The following AKAP19 variants were observed in gnomAD, a reference collection of about 807,000 sequenced individuals.
AKAP19 encodes the protein A-kinase anchoring protein 19, also known as small A-kinase anchoring protein.
the AKAP19 span, among the ~76,000 whole-genome samples, chr2:189,981,179 C>A: frequency 6.6e-6 from 1 of 151,940 alleles, no homozygotes; most frequent in Non-Finnish European, 1.5e-5. Flanking sequence ...TTTTTTAAAC[C>A]TGGATGCTCC....
chr2:190,070,590 A>G, the AKAP19 span, among the ~76,000 whole-genome samples: 3 of 151,036 alleles, frequency 2.0e-5, no homozygotes, highest in Non-Finnish European at 4.4e-5. Context: ...CAGCGAGTTC[A>G]GTGTGATATA....
the AKAP19 span, among the ~76,000 whole-genome samples, chr2:190,035,337 A>C: frequency 6.6e-6 from 1 of 152,040 alleles, no homozygotes; most frequent in African/African-American, 2.4e-5. Context: ...AGGCTGAGGC[A>C]GGAGAATTGC....
the AKAP19 span, among the ~76,000 whole-genome samples, chr2:189,949,620 ACTTTTTCTTT>A: frequency 6.7e-6 from 1 of 148,880 alleles, no homozygotes; most frequent in East Asian, 2.0e-4. Flanking sequence ...GTTGTTACCT[ACTTTTTCTTT>A]CTTTTTTTTT....
the AKAP19 span, among the ~76,000 whole-genome samples, chr2:190,037,533 T>A: frequency 6.6e-6 from 1 of 152,164 alleles, no homozygotes; most frequent in South Asian, 2.1e-4. Context: ...CTGGGACATT[T>A]TTAGAGTATA....
At chr2:190,010,134 A>G in the AKAP19 span, among the ~76,000 whole-genome samples, 2 of 152,254 alleles carry the variant, frequency 1.3e-5, no homozygotes, top group African/African-American at 4.8e-5. Flanking sequence ...ATGACAAGAT[A>G]GGAAAGACAA....
the AKAP19 span, among the ~76,000 whole-genome samples, chr2:190,024,664 C>A: frequency 6.6e-6 from 1 of 152,062 alleles, no homozygotes; most frequent in African/African-American, 2.4e-5. Flanking sequence ...TGATTGGGTA[C>A]TTGAATTCAC....
At chr2:190,185,836 C>A in the AKAP19 span, among the ~76,000 whole-genome samples, 1 of 152,118 alleles carries the variant, frequency 6.6e-6, no homozygotes, top group African/African-American at 2.4e-5. Context: ...TAATACAACA[C>A]TTAATAATTA....
the AKAP19 span, among the ~76,000 whole-genome samples, chr2:190,042,545 C>T: frequency 6.6e-6 from 1 of 151,696 alleles, no homozygotes; most frequent in Non-Finnish European, 1.5e-5. Flanking sequence ...TATTTCTCGT[C>T]TTCTGCTAGC....
At chr2:190,018,354 C>T in the AKAP19 span, among the ~76,000 whole-genome samples, 39 of 151,502 alleles carry the variant, frequency 2.6e-4, no homozygotes, top group Non-Finnish European at 5.0e-4. Flanking sequence ...TCGTTTTGGT[C>T]TTCTGCATAG....
chr2:190,114,236 T>G, the AKAP19 span, among the ~76,000 whole-genome samples: 1 of 152,228 alleles, frequency 6.6e-6, no homozygotes, highest in Non-Finnish European at 1.5e-5. Context: ...TGAATGGGTT[T>G]ATTTGTAGTA....
At chr2:189,975,587 G>A in the AKAP19 span, among the ~76,000 whole-genome samples, 3 of 152,166 alleles carry the variant, frequency 2.0e-5, no homozygotes, top group Admixed American at 1.3e-4. Context: ...TTCCAACTTG[G>A]TTCCATCCTC....
chr2:190,011,591 T>C, the AKAP19 span, among the ~76,000 whole-genome samples: 1 of 152,234 alleles, frequency 6.6e-6, no homozygotes, highest in African/African-American at 2.4e-5. Flanking sequence ...CTTTAATCCA[T>C]TTTGAAGTTT....
At chr2:190,044,486 G>A in the AKAP19 span, among the ~76,000 whole-genome samples, 3 of 152,150 alleles carry the variant, frequency 2.0e-5, no homozygotes, top group Non-Finnish European at 2.9e-5. Flanking sequence ...TTGCTCCTTC[G>A]TTAGTCCAAG....
chr2:189,957,562 C>T, the AKAP19 span, among the ~76,000 whole-genome samples: 2 of 152,080 alleles, frequency 1.3e-5, no homozygotes, highest in African/African-American at 2.4e-5. Context: ...TTTGTCTCAA[C>T]CACAATTTTT....
the AKAP19 span, chr2:190,180,846 AG>A: frequency 1.0e-6 from 1 of 985,200 alleles, no homozygotes; most frequent in Middle Eastern, 5.2e-4. This position sits in a 1 kb window ranked among gnomAD's most constrained non-coding sequence, Gnocchi z 6.8. Context: ...GCGCCGCCGA[AG>A]GACGCCCCGT....
chr2:190,141,548 G>A, the AKAP19 span, among the ~76,000 whole-genome samples: 1 of 152,114 alleles, frequency 6.6e-6, no homozygotes, highest in Non-Finnish European at 1.5e-5. Flanking sequence ...TGAGCAAAGA[G>A]GGAAAAGCCC....
chr2:189,920,426 C>T, the AKAP19 span, among the ~76,000 whole-genome samples: 1 of 152,140 alleles, frequency 6.6e-6, no homozygotes, highest in African/African-American at 2.4e-5. Context: ...TCCTTTAAGG[C>T]ACAAATAGAA....
the AKAP19 span, among the ~76,000 whole-genome samples, chr2:189,974,530 T>C: frequency 6.6e-6 from 1 of 152,166 alleles, no homozygotes; most frequent in Non-Finnish European, 1.5e-5. Context: ...TTCCTGGATA[T>C]CCTTTTTAAC....
At chr2:189,957,423 G>A in the AKAP19 span, among the ~76,000 whole-genome samples, 1 of 152,184 alleles carries the variant, frequency 6.6e-6, no homozygotes, top group East Asian at 1.9e-4. Context: ...TTACAGTTAA[G>A]ACATAAGTTA....
Sources: gnomAD v4.1 joint callset for allele counts (sites outside exome capture counted in the v4.1 genomes callset) on GRCh38, gnomAD v4.1.1 for gene constraint, Gnocchi (gnomAD v3.1) non-coding constraint, MANE v1.5 for transcripts, NCBI Gene and HGNC (gene_info 2026-07-23, HGNC 2026-07-21) for gene names.